The following PRDM5 variants were observed in gnomAD, a reference collection of about 807,000 sequenced individuals.
PRDM5 encodes the protein PR domain zinc finger protein 5.
A neutral mutation model predicts 81.2 loss-of-function variants in PRDM5; 56 were observed. The observed-to-expected ratio is 0.69, with a 90% CI of 0.56 to 0.86. The LOEUF (loss-of-function observed/expected upper bound fraction) is 0.86. Among genes scored for constraint, PRDM5 ranks in the 40% least tolerant of loss-of-function variants. The probability of loss-of-function intolerance (pLI) is 0.00; values close to 1 mark genes in which losing one functional copy is unlikely to be tolerated. For missense variants in PRDM5, 697 were observed against 770.1 expected (o/e 0.91, Z 1.12); for synonymous variants, 267 against 256.4 (o/e 1.04, Z -0.39).
chr4:120,805,702 C>T (rs1184376384), intron 8 of PRDM5, among the ~76,000 whole-genome samples: 2 of 152,124 alleles, frequency 1.3e-5, no homozygotes, highest in Non-Finnish European at 2.9e-5. Context: ...GGACATATCT[C>T]AAAATAATAA....
intron 2 of PRDM5, among the ~76,000 whole-genome samples, chr4:120,883,284 AT>A (rs1371749864): frequency 2.0e-5 from 3 of 152,092 alleles, no homozygotes; most frequent in African/African-American, 7.2e-5. Context: ...CTTAAAGTTG[AT>A]TTTCGTTTAT....
chr4:120,696,818 G>C (rs1000837969), intron 15 of PRDM5, among the ~76,000 whole-genome samples: 30 of 152,118 alleles, frequency 2.0e-4, no homozygotes, highest in African/African-American at 7.2e-4. Flanking sequence ...GTTCTAAAGA[G>C]TGGCAGTCCC....
At chr4:120,800,516 C>A (rs77514485) in intron 8 of PRDM5, among the ~76,000 whole-genome samples, 975 of 121,226 alleles carry the variant, frequency 8.0e-3, no homozygotes, top group African/African-American at 9.1e-3. Flanking sequence ...GACTCGGTCT[C>A]AAAAAAAAAA....
At chr4:120,697,963 T>TA (rs5861482) in intron 15 of PRDM5, among the ~76,000 whole-genome samples, 55,218 of 117,548 alleles carry the variant, frequency 0.47, 10,568 homozygotes, top group African/African-American at 0.52. Flanking sequence ...TAAAATAAAA[T>TA]AAAAAAAAAG....
chr4:120,753,628 T>A (rs1744310707), intron 14 of PRDM5, among the ~76,000 whole-genome samples: 1 of 151,978 alleles, frequency 6.6e-6, no homozygotes, highest in Non-Finnish European at 1.5e-5. Context: ...ATTTTATAGC[T>A]AAGGTAAAAA....
chr4:120,740,234 C>A (rs1289794449), intron 14 of PRDM5, among the ~76,000 whole-genome samples: 1 of 152,116 alleles, frequency 6.6e-6, no homozygotes, highest in Non-Finnish European at 1.5e-5. Flanking sequence ...CAAACAGTGA[C>A]AATGAGGCAT....
intron 2 of PRDM5, among the ~76,000 whole-genome samples, chr4:120,864,943 C>T (rs898712871): frequency 6.6e-6 from 1 of 152,180 alleles, no homozygotes; most frequent in East Asian, 1.9e-4. Flanking sequence ...GGATCACTGG[C>T]ATAGGAATAT....
chr4:120,799,263 A>C (rs1238341903), intron 9 of PRDM5, among the ~76,000 whole-genome samples: 1 of 152,206 alleles, frequency 6.6e-6, no homozygotes, highest in Non-Finnish European at 1.5e-5. Context: ...CTAAAAATGC[A>C]AGAATTATAA....
chr4:120,850,210 C>A (rs1041141625), intron 3 of PRDM5, among the ~76,000 whole-genome samples: 4 of 152,066 alleles, frequency 2.6e-5, no homozygotes, highest in Non-Finnish European at 5.9e-5. Context: ...ATTTACTCCA[C>A]TCCTGGGATA....
intron 14 of PRDM5, among the ~76,000 whole-genome samples, chr4:120,736,819 C>A: frequency 6.6e-6 from 1 of 152,224 alleles, no homozygotes; most frequent in East Asian, 1.9e-4. Flanking sequence ...TGAGCACAAT[C>A]TCTGGCACAG....
intron 15 of PRDM5, among the ~76,000 whole-genome samples, chr4:120,703,227 C>T (rs1485120486): frequency 6.6e-6 from 1 of 151,988 alleles, no homozygotes; most frequent in Admixed American, 6.6e-5. Context: ...TCTCTGTCAC[C>T]CAGGCTGGAG....
intron 2 of PRDM5, among the ~76,000 whole-genome samples, chr4:120,885,134 C>CAAAAAAAAAAAAAAAAAAA (rs60623556): frequency 5.9e-5 from 3 of 50,696 alleles, no homozygotes; most frequent in Non-Finnish European, 8.2e-5. Context: ...GACTCCGTAT[C>CAAAAAAAAAAAAAAAAAAA]AAAAAAAAAA....
At chr4:120,705,342 A>T (rs1735954218) in intron 15 of PRDM5, among the ~76,000 whole-genome samples, 1 of 152,214 alleles carries the variant, frequency 6.6e-6, no homozygotes, top group Non-Finnish European at 1.5e-5. Flanking sequence ...TTTTTGGTGG[A>T]TATAAGTGCC....
intron 14 of PRDM5, 71 bp downstream of exon 14, chr4:120,754,482 G>C: frequency 1.9e-6 from 2 of 1,068,512 alleles, no homozygotes; most frequent in Non-Finnish European, 2.8e-6. Flanking sequence ...GTAATATAAA[G>C]TTAAATATAT....
chr4:120,815,997 C>A (rs1371309837), intron 7 of PRDM5: 3 of 207,738 alleles, frequency 1.4e-5, no homozygotes, highest in East Asian at 1.4e-4. Flanking sequence ...TATTCAATTC[C>A]AATGTCAAAA....
Position 120,907,709 on chromosome 4 carries a change from ATGTT to A in PRDM5, c.94-156_94-153del, listed in dbSNP as rs1339511526. On this transcript the variant is annotated intron_variant, in intron 1 of 15. Transcript: ENST00000264808. ...TATTAACTAATTTACCCAACACAAA[ATGTT>A]TATTTACAATCCAACTTAATCTGTT... 5 of 723,614 alleles carry A rather than the reference ATGTT, an allele frequency of 6.9e-6. No individual in the cohort carries two copies. The African/African-American group carries it at 8.8e-5, about 13-fold the overall frequency. 44.8% of individuals were successfully genotyped at this position (723,614 alleles called of 1,614,324 possible).
intron 14 of PRDM5, among the ~76,000 whole-genome samples, chr4:120,751,699 A>T (rs1158899772): frequency 1.3e-5 from 2 of 152,208 alleles, no homozygotes; most frequent in Non-Finnish European, 2.9e-5. Context: ...AAGGTCAATG[A>T]TTAATTGGAT....
At chr4:120,698,493 T>G (rs990954261) in intron 15 of PRDM5, among the ~76,000 whole-genome samples, 7 of 152,158 alleles carry the variant, frequency 4.6e-5, no homozygotes, top group Non-Finnish European at 4.4e-5. Flanking sequence ...CTAGGTATTT[T>G]CTCCTCTGGT....
chr4:120,709,941 C>G (rs767151302), intron 15 of PRDM5, among the ~76,000 whole-genome samples: 5 of 152,120 alleles, frequency 3.3e-5, no homozygotes, highest in Non-Finnish European at 7.4e-5. Flanking sequence ...TATGACCAGT[C>G]AAATCTCTGG....
Sources: allele counts gnomAD v4.1 joint callset (sites outside exome capture counted in the v4.1 genomes callset), GRCh38; gene constraint gnomAD v4.1.1; transcripts MANE v1.5; gene names NCBI Gene and HGNC (gene_info 2026-07-23, HGNC 2026-07-21).